ZSWIM6: variants seen among roughly 807,000 people sequenced by gnomAD.
ZSWIM6 encodes the protein zinc finger SWIM-type containing 6.
Under a neutral mutation model 113.2 loss-of-function variants are expected in ZSWIM6, and 9 were observed. The observed-to-expected ratio is 0.08, with a 90% CI of 0.05 to 0.14. ZSWIM6 has a LOEUF of 0.14. Among genes scored for constraint, ZSWIM6 ranks in the 10% least tolerant of loss-of-function variants. The pLI is 1.00. For missense variants in ZSWIM6, 1,162 were observed against 1,552.2 expected (o/e 0.75, Z 4.22); for synonymous variants, 611 against 606.5 (o/e 1.01, Z -0.11).
In ZSWIM6 at chr5:61,530,189, G is replaced by T; in HGVS notation, c.1975G>T (p.Asp659Tyr). The part of the protein sequence containing the change: ...IDDENLSGFS[D>Y]FTENMGQCKS... ...TGATGAGAACCTCTCTGGGTTCTCA[G>T]ATTTTACAGGTAAAACCATTGACAT... Residue 659 changes from aspartate to tyrosine, a missense_variant, in exon 8 of 14, where the codon GAT becomes TAT. Asp to Tyr is a radical substitution (Grantham distance 160, BLOSUM62 -3). Transcript: ENST00000252744. The T allele has an allele frequency of 6.4e-7, 1 of 1,550,622 alleles. No individual in the cohort carries two copies. The highest frequency in any genetic ancestry group is 8.7e-7 in the Non-Finnish European group (1 of 1,146,332).
At chr5:61,335,660 A>C (rs1365053376) in intron 1 of ZSWIM6, among the ~76,000 whole-genome samples, 1 of 152,284 alleles carries the variant, frequency 6.6e-6, no homozygotes, top group East Asian at 1.9e-4. Flanking sequence ...TTGCAAAATT[A>C]CAAGTGTACA....
At chr5:61,447,295 C>G (rs546782726) in intron 1 of ZSWIM6, among the ~76,000 whole-genome samples, 3 of 152,240 alleles carry the variant, frequency 2.0e-5, no homozygotes, top group Non-Finnish European at 2.9e-5. Flanking sequence ...ATAACTGTAT[C>G]AACACATATA....
chr5:61,447,478 A>C (rs1273788187), intron 1 of ZSWIM6, among the ~76,000 whole-genome samples: 1 of 152,208 alleles, frequency 6.6e-6, no homozygotes, highest in Non-Finnish European at 1.5e-5. Context: ...TTAGAGGAGC[A>C]AATCCAGCTG....
chr5:61,426,287 G>A (rs1251132101), intron 1 of ZSWIM6, among the ~76,000 whole-genome samples: 1 of 152,138 alleles, frequency 6.6e-6, no homozygotes, highest in Non-Finnish European at 1.5e-5. Flanking sequence ...TAATTTATTT[G>A]ATAATAATTT....
At chr5:61,333,349 G>T (rs986206051) in intron 1 of ZSWIM6, among the ~76,000 whole-genome samples, 1 of 151,888 alleles carries the variant, frequency 6.6e-6, no homozygotes, top group African/African-American at 2.4e-5. Context: ...TGTGCGGGGC[G>T]GGGGAGGGGG....
At chr5:61,467,974 G>A (rs1269914168) in intron 1 of ZSWIM6, among the ~76,000 whole-genome samples, 1 of 152,150 alleles carries the variant, frequency 6.6e-6, no homozygotes, top group Non-Finnish European at 1.5e-5. Context: ...TGGGTGAAAG[G>A]GAATGTGTCC....
intron 4 of ZSWIM6, among the ~76,000 whole-genome samples, chr5:61,508,464 A>G (rs138156407): frequency 6.6e-6 from 1 of 152,264 alleles, no homozygotes; most frequent in East Asian, 1.9e-4. Flanking sequence ...AGCTCTTCTC[A>G]TATGATGAAT....
chr5:61,426,702 T>C (rs971929770), intron 1 of ZSWIM6, among the ~76,000 whole-genome samples: 1 of 152,188 alleles, frequency 6.6e-6, no homozygotes, highest in Admixed American at 6.5e-5. Flanking sequence ...CCGGAGTACT[T>C]TGCAGACTTT....
chr5:61,445,081 C>T (rs1036378289), intron 1 of ZSWIM6, among the ~76,000 whole-genome samples: 4 of 152,162 alleles, frequency 2.6e-5, no homozygotes, highest in African/African-American at 2.4e-5. Flanking sequence ...CATTTCAAAC[C>T]ACTGTATTAA....
intron 2 of ZSWIM6, among the ~76,000 whole-genome samples, chr5:61,477,734 C>G (rs1028771780): frequency 6.6e-6 from 1 of 152,170 alleles, no homozygotes; most frequent in African/African-American, 2.4e-5. Flanking sequence ...CATTGCATAG[C>G]TCTTCATTTT....
At chr5:61,480,076 TC>T (rs1747814648) in intron 2 of ZSWIM6, among the ~76,000 whole-genome samples, 1 of 152,212 alleles carries the variant, frequency 6.6e-6, no homozygotes, top group African/African-American at 2.4e-5. Context: ...TACTGAGTAA[TC>T]ATTAATACAT....
intron 1 of ZSWIM6, among the ~76,000 whole-genome samples, chr5:61,340,635 A>T (rs1279888101): frequency 6.6e-6 from 1 of 152,210 alleles, no homozygotes; most frequent in Non-Finnish European, 1.5e-5. Flanking sequence ...CTGAGGCCCA[A>T]ACTCGTTGAG....
At chr5:61,515,909 G>A (rs1748922649) in intron 4 of ZSWIM6, among the ~76,000 whole-genome samples, 1 of 151,962 alleles carries the variant, frequency 6.6e-6, no homozygotes, top group Admixed American at 6.6e-5. Context: ...TTTATGTAAT[G>A]CCCCTCTTTA....
At chr5:61,456,165 A>G (rs958397121) in intron 1 of ZSWIM6, among the ~76,000 whole-genome samples, 45 of 152,094 alleles carry the variant, frequency 3.0e-4, no homozygotes, top group Admixed American at 2.9e-3. Flanking sequence ...GGAGAGTTCA[A>G]TTTCACAGAA....
At chr5:61,518,306 T>C (rs1478816492) in intron 4 of ZSWIM6, among the ~76,000 whole-genome samples, 2 of 151,954 alleles carry the variant, frequency 1.3e-5, no homozygotes, top group Non-Finnish European at 2.9e-5. Context: ...ATATACCCAC[T>C]AATGGGATGG....
At chr5:61,536,246 C>T (rs1461789143) in intron 10 of ZSWIM6, among the ~76,000 whole-genome samples, 1 of 152,192 alleles carries the variant, frequency 6.6e-6, no homozygotes, top group Non-Finnish European at 1.5e-5. Flanking sequence ...TTCTCTACCA[C>T]CCACCTTTTT....
At chr5:61,511,763 A>G (rs935396984) in intron 4 of ZSWIM6, among the ~76,000 whole-genome samples, 4 of 152,130 alleles carry the variant, frequency 2.6e-5, no homozygotes, top group African/African-American at 9.7e-5. Flanking sequence ...AATTTATGGT[A>G]TTTTTGTTAT....
At chr5:61,487,834 T>A (rs1246362471) in intron 2 of ZSWIM6, among the ~76,000 whole-genome samples, 2 of 152,144 alleles carry the variant, frequency 1.3e-5, no homozygotes, top group African/African-American at 4.8e-5. Context: ...CAGGGATAAT[T>A]TGACTTCTTC....
intron 1 of ZSWIM6, among the ~76,000 whole-genome samples, chr5:61,358,791 A>G (rs1744972284): frequency 6.6e-6 from 1 of 152,238 alleles, no homozygotes; most frequent in Non-Finnish European, 1.5e-5. Context: ...GTGCTGAGCC[A>G]GACGCTATAG....
Sources: gnomAD v4.1 joint callset for allele counts (sites outside exome capture counted in the v4.1 genomes callset) on GRCh38, gnomAD v4.1.1 for gene constraint, MANE v1.5 for transcripts, NCBI Gene and HGNC (gene_info 2026-07-23, HGNC 2026-07-21) for gene names.